The following EPB41L4A variants were observed in gnomAD, a reference collection of about 807,000 sequenced individuals.
The protein encoded by EPB41L4A is band 4.1-like protein 4A.
EPB41L4A carries 100 observed loss-of-function variants against 108.6 expected under a neutral mutation model. The ratio of observed to expected loss-of-function variants is 0.92; its 90% CI spans 0.78 to 1.09. The LOEUF (loss-of-function observed/expected upper bound fraction) is 1.09, where lower values mean the gene tolerates loss of function less well. Among genes scored for constraint, EPB41L4A ranks in the 50% least tolerant of loss-of-function variants. The pLI is 0.00. For missense variants in EPB41L4A, 1,030 were observed against 842.7 expected (o/e 1.22, Z -2.75); for synonymous variants, 319 against 289.0 (o/e 1.10, Z -1.05).
At chr5:112,321,625 T>C (rs551620995) in intron 1 of EPB41L4A, among the ~76,000 whole-genome samples, 27 of 152,326 alleles carry the variant, frequency 1.8e-4, no homozygotes, top group African/African-American at 6.3e-4. Context: ...AAGTTACTCA[T>C]TTGGGGAGCA....
At chr5:112,399,051 A>AG (rs1761566736) in intron 1 of EPB41L4A, among the ~76,000 whole-genome samples, 1 of 152,122 alleles carries the variant, frequency 6.6e-6, no homozygotes, top group Non-Finnish European at 1.5e-5. Flanking sequence ...CAACGTGCGG[A>AG]GCGGTGAATC....
chr5:112,419,081 C>G lies in EPB41L4A; in HGVS notation c.-42G>C, dbSNP rs905421533. The G allele has an allele frequency of 1.2e-5, 18 of 1,489,280 alleles. No homozygotes were observed. The highest frequency in any genetic ancestry group is 1.7e-5 in the Non-Finnish European group (18 of 1,069,246). 92.3% of individuals were successfully genotyped at this position (1,489,280 alleles called of 1,614,324 possible). ...TCCAGCCAGGAGAGAAAGCTACCAC[C>G]GAGGCGCCCAGCCGCCCCCTCCACT... On this transcript the variant is annotated 5_prime_UTR_variant, in exon 1 of 23. Coordinates refer to ENST00000261486, the MANE Select transcript of EPB41L4A (RefSeq NM_022140.5).
chr5:112,412,669 A>C (rs1762478301), intron 1 of EPB41L4A, among the ~76,000 whole-genome samples: 1 of 152,216 alleles, frequency 6.6e-6, no homozygotes, highest in African/African-American at 2.4e-5. Flanking sequence ...GTGCAGAAAC[A>C]AACGGTGGTT....
At chr5:112,309,003 T>C (rs1022716824) in intron 1 of EPB41L4A, among the ~76,000 whole-genome samples, 1 of 152,194 alleles carries the variant, frequency 6.6e-6, no homozygotes, top group Non-Finnish European at 1.5e-5. Flanking sequence ...GCCTTTGAGT[T>C]AGGCATTCCC....
intron 15 of EPB41L4A, among the ~76,000 whole-genome samples, chr5:112,201,004 C>T (rs975830081): frequency 2.6e-5 from 4 of 152,162 alleles, no homozygotes; most frequent in African/African-American, 9.7e-5. Context: ...TTCTTCCATG[C>T]TGATGACATG....
intron 1 of EPB41L4A, among the ~76,000 whole-genome samples, chr5:112,375,263 CCTAA>C (rs1759738446): frequency 6.6e-6 from 1 of 151,590 alleles, no homozygotes. Flanking sequence ...CCTTCCTAAA[CCTAA>C]CTATCTTGAA....
At position 112,149,156 on chromosome 5, in the gene EPB41L4A, C is replaced by T. The variant is rs140603605; in HGVS notation, n.995-3158G>A. ...TACTGAATATAATTTTGTCAGGTTCCCAAAGAATTAGATCAAGTTACTTTA... is the reference window on the plus strand; with the variant it reads ...TACTGAATATAATTTTGTCAGGTTCTCAAAGAATTAGATCAAGTTACTTTA... On this transcript the variant is annotated intron_variant and non_coding_transcript_variant, in intron 12 of 13. Transcript: ENST00000507810. 6.1e-3 allele frequency among the ~76,000 whole-genome samples: 934 copies of T among 151,952 alleles called. 10 individuals carry two copies. Among genetic ancestry groups the T allele is most frequent in the African/African-American group, 0.021 (882 of 41,432 alleles).
In EPB41L4A at chr5:112,345,778, T is replaced by TAC. The variant is rs781658480; in HGVS notation, c.100-38289_100-38288insGT. ...GCATATATATATATACATATATATA[T>TAC]ATACACACACACACACACACACACA... is the stretch of plus-strand genomic sequence containing the variant. On this transcript the variant is annotated intron_variant, in intron 1 of 22. Coordinates refer to ENST00000261486, the MANE Select transcript of EPB41L4A (RefSeq NM_022140.5). 4.2e-3 allele frequency among the ~76,000 whole-genome samples: 547 copies of TAC among 130,742 alleles called. 6 individuals carry two copies. The highest frequency in any genetic ancestry group is 6.5e-3 in the South Asian group (26 of 3,976). 85.8% of individuals were successfully genotyped at this position (130,742 alleles called of 152,430 possible).
chr5:112,346,877 C>T (rs746397631), intron 1 of EPB41L4A, among the ~76,000 whole-genome samples: 24 of 152,200 alleles, frequency 1.6e-4, no homozygotes, highest in Admixed American at 2.0e-4. Context: ...GAAAGAGGTG[C>T]TGCATGTCTA....
At chr5:112,201,667 C>G in intron 15 of EPB41L4A, among the ~76,000 whole-genome samples, 1 of 152,288 alleles carries the variant, frequency 6.6e-6, no homozygotes, top group African/African-American at 2.4e-5. Flanking sequence ...CCACCTATGT[C>G]GCCTCAACAC....
chr5:112,296,081 C>T (rs1257266038), intron 2 of EPB41L4A, among the ~76,000 whole-genome samples: 1 of 152,052 alleles, frequency 6.6e-6, no homozygotes, highest in African/African-American at 2.4e-5. Context: ...CTGGCTTTGT[C>T]CAAGAGTTTT....
intron 1 of EPB41L4A, among the ~76,000 whole-genome samples, chr5:112,339,967 TA>T (rs747207749): frequency 1.3e-5 from 2 of 152,130 alleles, no homozygotes; most frequent in Non-Finnish European, 2.9e-5. Context: ...CTAGACTAGT[TA>T]ATCACTCACG....
chr5:112,351,675 C>G (rs1398395917), intron 1 of EPB41L4A, among the ~76,000 whole-genome samples: 1 of 151,880 alleles, frequency 6.6e-6, no homozygotes, highest in Non-Finnish European at 1.5e-5. Flanking sequence ...AAGAGAGAGA[C>G]AGAGAGAGAC....
In EPB41L4A at chr5:112,163,922, T is replaced by C. The variant is rs1218025433; in HGVS notation, c.*1068A>G. On this transcript the variant is annotated 3_prime_UTR_variant, in exon 23 of 23. Transcript: ENST00000261486. The stretch of plus-strand genomic sequence containing the variant: ...AAGCACAGGTGGAGAGACAAAAAGG[T>C]TAGGGCTGCTGGCAGCTGTGGAGAG... 6.6e-6 allele frequency: 1 copy of C among 152,240 alleles called. No homozygotes were observed. The highest frequency in any genetic ancestry group is 1.5e-5 in the Non-Finnish European group (1 of 68,114). 9.4% of individuals were successfully genotyped at this position (152,240 alleles called of 1,614,324 possible). A position where few individuals can be genotyped will look rare whatever the true frequency, so the allele number is the denominator to read the frequency against.
At chr5:112,316,896 G>A (rs558825975) in intron 1 of EPB41L4A, among the ~76,000 whole-genome samples, 1 of 152,274 alleles carries the variant, frequency 6.6e-6, no homozygotes, top group African/African-American at 2.4e-5. Context: ...AGCTGGCTGG[G>A]CCACTCACCC....
At chr5:112,302,002 TAAA>T (rs1754391432) in intron 2 of EPB41L4A, among the ~76,000 whole-genome samples, 1 of 152,010 alleles carries the variant, frequency 6.6e-6, no homozygotes, top group South Asian at 2.1e-4. Context: ...TTCTGATTTT[TAAA>T]AAAGAGCTTG....
chr5:112,178,901 C>G (rs971611127), intron 18 of EPB41L4A, among the ~76,000 whole-genome samples: 1 of 150,946 alleles, frequency 6.6e-6, no homozygotes, highest in African/African-American at 2.4e-5. Flanking sequence ...AAAGTACAGT[C>G]AATGAAACAG....
intron 12 of EPB41L4A, among the ~76,000 whole-genome samples, chr5:112,148,207 TAATAA>T (rs1156729121): frequency 6.8e-6 from 1 of 148,058 alleles, no homozygotes; most frequent in Non-Finnish European, 1.5e-5. Flanking sequence ...CTATATAATA[TAATAA>T]TATAGTTTAG....
intron 2 of EPB41L4A, among the ~76,000 whole-genome samples, chr5:112,281,168 G>C (rs1480695790): frequency 6.6e-6 from 1 of 152,164 alleles, no homozygotes; most frequent in Non-Finnish European, 1.5e-5. Flanking sequence ...ATAGCCCCTA[G>C]CTCAGGCTAC....
Sources: gnomAD v4.1 joint callset for allele counts (sites outside exome capture counted in the v4.1 genomes callset) on GRCh38, gnomAD v4.1.1 for gene constraint, MANE v1.5 for transcripts, NCBI Gene and HGNC (gene_info 2026-07-23, HGNC 2026-07-21) for gene names.